Variants in WDR70 observed in about 807,000 individuals in gnomAD.
The protein encoded by WDR70 is WD repeat-containing protein 70.
WDR70 carries 53 observed loss-of-function variants against 88.6 expected under a neutral mutation model. The observed-to-expected ratio is 0.60, with a 90% confidence interval of 0.48 to 0.75. The LOEUF (loss-of-function observed/expected upper bound fraction) is 0.75, where lower values mean the gene tolerates loss of function less well. Ranked by LOEUF, WDR70 falls within the 30% of genes least tolerant of loss-of-function variation. WDR70 has a pLI of 0.00. For missense variants in WDR70, 610 were observed against 823.2 expected (o/e 0.74, Z 3.17); for synonymous variants, 280 against 270.0 (o/e 1.04, Z -0.36).
chr5:37,734,508 CACTA>C (rs1009641293), intron 17 of WDR70, among the ~76,000 whole-genome samples: 7 of 151,854 alleles, frequency 4.6e-5, no homozygotes, highest in Non-Finnish European at 8.8e-5. Context: ...TAGAGACAGA[CACTA>C]AATAAATATA....
At chr5:37,596,381 C>T (rs1402150166) in intron 9 of WDR70, among the ~76,000 whole-genome samples, 1 of 152,272 alleles carries the variant, frequency 6.6e-6, no homozygotes, top group Admixed American at 6.5e-5. Context: ...TTCCTTTCTT[C>T]TCAAATTCTG....
rs541467872 is a variant in WDR70 at position 37,379,481 on chromosome 5, T to A, written c.26-8T>A. On this transcript the variant is annotated splice_polypyrimidine_tract_variant and splice_region_variant and intron_variant, in intron 1 of 17. Coordinates refer to ENST00000265107, the MANE Select transcript of WDR70 (RefSeq NM_018034.4). Reference sequence around the variant, plus strand: ...AACTAGGCCGCCTCTCTTTTCCTCTTGCTCCAGTGACAGGCTCAGACGCGT... The same window carrying A: ...AACTAGGCCGCCTCTCTTTTCCTCTAGCTCCAGTGACAGGCTCAGACGCGT... 103 of 1,613,954 alleles carry A rather than the reference T, an allele frequency of 6.4e-5. 1 individual carries two copies. In the East Asian group the frequency reaches 1.1e-3, roughly 18 times the overall value.
At chr5:37,710,268 T>C (rs1747469695) in intron 13 of WDR70, among the ~76,000 whole-genome samples, 1 of 152,140 alleles carries the variant, frequency 6.6e-6, no homozygotes, top group African/African-American at 2.4e-5. Context: ...TTAACACATG[T>C]ATGGATTCAT....
intron 10 of WDR70, among the ~76,000 whole-genome samples, chr5:37,668,380 A>G (rs543022868): frequency 4.6e-5 from 7 of 152,348 alleles, no homozygotes; most frequent in Non-Finnish European, 1.0e-4. Context: ...CTCAAAGTCC[A>G]AGAAAGACAG....
At chr5:37,609,989 C>T (rs1187355189) in intron 10 of WDR70, among the ~76,000 whole-genome samples, 1 of 152,182 alleles carries the variant, frequency 6.6e-6, no homozygotes, top group Non-Finnish European at 1.5e-5. Flanking sequence ...CTTATTAATA[C>T]ATGTATTCAC....
intron 10 of WDR70, among the ~76,000 whole-genome samples, chr5:37,664,389 T>C (rs1745781777): frequency 1.3e-5 from 2 of 152,356 alleles, no homozygotes; most frequent in South Asian, 4.1e-4. Flanking sequence ...GTCCTACCTA[T>C]AGATCCAAAA....
At chr5:37,659,813 C>T (rs1745655449) in intron 10 of WDR70, among the ~76,000 whole-genome samples, 2 of 152,112 alleles carry the variant, frequency 1.3e-5, no homozygotes, top group South Asian at 2.1e-4. Flanking sequence ...TCCATCATAG[C>T]GGCCCATCCT....
intron 10 of WDR70, among the ~76,000 whole-genome samples, chr5:37,665,916 C>T (rs919936555): frequency 6.6e-6 from 1 of 152,232 alleles, no homozygotes; most frequent in Non-Finnish European, 1.5e-5. Context: ...TCTGCTTCCT[C>T]ACCCTCCCTT....
At chr5:37,480,450 T>A (rs549498994) in intron 8 of WDR70, among the ~76,000 whole-genome samples, 3 of 152,338 alleles carry the variant, frequency 2.0e-5, no homozygotes, top group African/African-American at 7.2e-5. Context: ...TTCACAGTTC[T>A]GCATGGCTGG....
chr5:37,747,231 C>T (rs947168000), intron 17 of WDR70, among the ~76,000 whole-genome samples: 16 of 152,030 alleles, frequency 1.1e-4, no homozygotes, highest in African/African-American at 3.6e-4. Context: ...AGACACTTCT[C>T]AAAAGAAGAC....
chr5:37,437,885 A>AT lies in WDR70; in HGVS notation c.493-33dup, dbSNP rs756355093. The AT allele has an allele frequency of 5.1e-6, 8 of 1,580,424 alleles. No homozygotes were observed. The African/African-American group carries it at 1.1e-4, about 21-fold the overall frequency. On this transcript the variant is annotated intron_variant, in intron 5 of 17. Coordinates refer to ENST00000265107, the MANE Select transcript of WDR70 (RefSeq NM_018034.4). ...TTGTGTAGTTCCCCACAAATATGTT[A>AT]TTTTACCATTAATGTCATGGGGTTT...
At chr5:37,625,455 T>C (rs1214471135) in intron 10 of WDR70, among the ~76,000 whole-genome samples, 2 of 152,172 alleles carry the variant, frequency 1.3e-5, no homozygotes, top group African/African-American at 4.8e-5. Flanking sequence ...TTTTTTCTTA[T>C]ACATGTTGAC....
chr5:37,615,701 C>T (rs115567016), intron 10 of WDR70, among the ~76,000 whole-genome samples: 316 of 152,338 alleles, frequency 2.1e-3, no homozygotes, highest in African/African-American at 7.2e-3. Flanking sequence ...AGAACTTACG[C>T]TCAATATACC....
At chr5:37,447,202 G>A (rs1014496401) in intron 7 of WDR70, among the ~76,000 whole-genome samples, 2 of 152,152 alleles carry the variant, frequency 1.3e-5, no homozygotes, top group Non-Finnish European at 1.5e-5. Flanking sequence ...CATCATCATT[G>A]GCCATTAGAG....
intron 7 of WDR70, among the ~76,000 whole-genome samples, chr5:37,454,434 T>C (rs1158125005): frequency 6.6e-6 from 1 of 152,242 alleles, no homozygotes; most frequent in Non-Finnish European, 1.5e-5. Flanking sequence ...TTTCCATCTA[T>C]TCAAATGGTA....
intron 10 of WDR70, among the ~76,000 whole-genome samples, chr5:37,617,666 T>C (rs1466104273): frequency 6.6e-6 from 1 of 152,184 alleles, no homozygotes; most frequent in East Asian, 1.9e-4. Context: ...TTTGGATCTG[T>C]TGGTATGTAA....
At chr5:37,480,658 C>T (rs576140366) in intron 8 of WDR70, among the ~76,000 whole-genome samples, 1 of 152,300 alleles carries the variant, frequency 6.6e-6, no homozygotes, top group African/African-American at 2.4e-5. Flanking sequence ...CCGCCCTTGA[C>T]ACATGGGAAT....
At chr5:37,685,925 C>G (rs1333677401) in intron 10 of WDR70, among the ~76,000 whole-genome samples, 1 of 152,220 alleles carries the variant, frequency 6.6e-6, no homozygotes, top group African/African-American at 2.4e-5. Context: ...AGCCCAGCTT[C>G]TGTGTCTTCT....
intron 13 of WDR70, among the ~76,000 whole-genome samples, chr5:37,710,146 T>C (rs1430556484): frequency 1.3e-5 from 2 of 152,178 alleles, no homozygotes; most frequent in African/African-American, 2.4e-5. Flanking sequence ...AACATGTTTT[T>C]AGTTAGGGAA....
Sources: allele counts gnomAD v4.1 joint callset (sites outside exome capture counted in the v4.1 genomes callset), GRCh38; gene constraint gnomAD v4.1.1; transcripts MANE v1.5; gene names NCBI Gene and HGNC (gene_info 2026-07-23, HGNC 2026-07-21).